TAFA1: variants seen among roughly 807,000 people sequenced by gnomAD.
TAFA1 encodes the protein TAFA chemokine like family member 1, also known as chemokine-like protein TAFA-1.
TAFA1 carries 4 observed loss-of-function variants against 18.5 expected under a neutral mutation model. The observed-to-expected ratio is 0.22, with a 90% CI of 0.11 to 0.49. The LOEUF (loss-of-function observed/expected upper bound fraction) is 0.49, where lower values mean the gene tolerates loss of function less well. Ranked by LOEUF, TAFA1 falls within the 20% of genes least tolerant of loss-of-function variation. The probability of loss-of-function intolerance (pLI) is 0.98; values close to 1 mark genes in which losing one functional copy is unlikely to be tolerated. For synonymous variants in TAFA1, 56 were observed against 55.2 expected, an observed-to-expected ratio of 1.01 and a Z score of -0.06; for missense variants, 147 against 169.0, an observed-to-expected ratio of 0.87 and a Z score of 0.72.
Position 68,488,244 on chromosome 3 carries a change from C to T in TAFA1, c.260-50512C>T, listed in dbSNP as rs143184380. Among the ~76,000 whole-genome samples, 134 of 152,182 alleles carry T rather than the reference C, an allele frequency of 8.8e-4. 1 individual carries two copies. The East Asian group carries it at 0.02, about 22-fold the overall frequency. The stretch of plus-strand genomic sequence containing the variant: ...TCCCAAAGCTGAAGAACTTGGAGTC[C>T]GATGTTCAAGGGCAGGAAGCATGCA... On this transcript the variant is annotated intron_variant, in intron 3 of 4. Coordinates refer to ENST00000478136, the MANE Select transcript of TAFA1 (RefSeq NM_213609.4).
chr3:68,071,516 G>C (rs1345236488), intron 2 of TAFA1, among the ~76,000 whole-genome samples: 3 of 152,254 alleles, frequency 2.0e-5, no homozygotes, highest in Non-Finnish European at 4.4e-5. Flanking sequence ...ATCAGGGAAG[G>C]CTCACTGGAA....
chr3:68,514,752 G>T (rs1421449537), intron 3 of TAFA1, among the ~76,000 whole-genome samples: 2 of 150,984 alleles, frequency 1.3e-5, no homozygotes, highest in Non-Finnish European at 2.9e-5. Context: ...AATATCATTA[G>T]AAAAAATCCT....
At chr3:68,009,543 C>T (rs996483579) in intron 2 of TAFA1, among the ~76,000 whole-genome samples, 1 of 152,192 alleles carries the variant, frequency 6.6e-6, no homozygotes, top group African/African-American at 2.4e-5. Context: ...ATCTGAGACC[C>T]ATTTCAGCTT....
At chr3:68,265,950 T>A (rs1049662457) in intron 2 of TAFA1, among the ~76,000 whole-genome samples, 1 of 152,166 alleles carries the variant, frequency 6.6e-6, no homozygotes, top group African/African-American at 2.4e-5. Context: ...AAAAATTGTA[T>A]AATCCCTGGA....
intron 2 of TAFA1, among the ~76,000 whole-genome samples, chr3:68,220,532 A>T (rs935232440): frequency 2.0e-5 from 3 of 152,082 alleles, no homozygotes; most frequent in Non-Finnish European, 4.4e-5. Flanking sequence ...AAAACTACTG[A>T]TGGATGTCCA....
intron 2 of TAFA1, among the ~76,000 whole-genome samples, chr3:68,020,010 C>G (rs1704654759): frequency 1.3e-5 from 2 of 152,176 alleles, no homozygotes; most frequent in Admixed American, 1.3e-4. Context: ...CAGAAACAAC[C>G]AGAATAACTC....
intron 2 of TAFA1, among the ~76,000 whole-genome samples, chr3:68,060,087 A>C (rs1174726065): frequency 6.6e-6 from 1 of 151,998 alleles, no homozygotes; most frequent in East Asian, 1.9e-4. Context: ...AAACACACAC[A>C]CACGCACAAA....
intron 2 of TAFA1, among the ~76,000 whole-genome samples, chr3:68,176,368 G>A (rs913291724): frequency 6.6e-6 from 1 of 152,250 alleles, no homozygotes; most frequent in South Asian, 2.1e-4. Context: ...TGTGGTCCTA[G>A]CTATTTGGGA....
intron 2 of TAFA1, among the ~76,000 whole-genome samples, chr3:68,092,749 C>T (rs2065044043): frequency 6.6e-6 from 1 of 152,154 alleles, no homozygotes; most frequent in Non-Finnish European, 1.5e-5. Context: ...TGGACACCCA[C>T]CAGAATAGCA....
chr3:68,272,983 C>G (rs558167812), intron 2 of TAFA1, among the ~76,000 whole-genome samples: 1 of 151,926 alleles, frequency 6.6e-6, no homozygotes, highest in Non-Finnish European at 1.5e-5. Context: ...GTCCGTATCT[C>G]TATGCTATCC....
chr3:68,260,918 A>T (rs1413243851), intron 2 of TAFA1, among the ~76,000 whole-genome samples: 1 of 152,154 alleles, frequency 6.6e-6, no homozygotes, highest in African/African-American at 2.4e-5. Flanking sequence ...AAATTGACAA[A>T]TGGGATCTAA....
At chr3:68,030,110 T>C (rs1704899837) in intron 2 of TAFA1, among the ~76,000 whole-genome samples, 1 of 152,134 alleles carries the variant, frequency 6.6e-6, no homozygotes. Flanking sequence ...TTAGAGAATA[T>C]ACTTAAAATA....
At chr3:68,151,907 G>A (rs1162394577) in intron 2 of TAFA1, among the ~76,000 whole-genome samples, 1 of 152,084 alleles carries the variant, frequency 6.6e-6, no homozygotes, top group East Asian at 1.9e-4. Flanking sequence ...ATTCTAATTA[G>A]CAATGATTAG....
intron 3 of TAFA1, among the ~76,000 whole-genome samples, chr3:68,510,927 C>T (rs1489992273): frequency 2.0e-5 from 3 of 152,116 alleles, no homozygotes; most frequent in Non-Finnish European, 2.9e-5. Context: ...AGAAATGTGT[C>T]CTCTGATATA....
chr3:68,370,367 C>T (rs867768968), intron 2 of TAFA1, among the ~76,000 whole-genome samples: 1,104 of 56,640 alleles, frequency 0.019, 54 homozygotes, highest in African/African-American at 0.065. Context: ...CACACACACA[C>T]ATATATATAT....
At chr3:68,088,570 CA>C (rs896880322) in intron 2 of TAFA1, among the ~76,000 whole-genome samples, 2 of 152,152 alleles carry the variant, frequency 1.3e-5, no homozygotes. Context: ...GTCAGTCTAG[CA>C]ATTTTGAACC....
At chr3:68,233,366 C>A (rs1222793219) in intron 2 of TAFA1, among the ~76,000 whole-genome samples, 1 of 152,058 alleles carries the variant, frequency 6.6e-6, no homozygotes, top group East Asian at 1.9e-4. Flanking sequence ...TATAGTTTTT[C>A]AGTACCATTT....
At chr3:68,018,316 G>A (rs548434746) in intron 2 of TAFA1, among the ~76,000 whole-genome samples, 2 of 152,218 alleles carry the variant, frequency 1.3e-5, no homozygotes, top group Admixed American at 6.5e-5. Context: ...GCCCTGTGGG[G>A]CCTTTCACAC....
At chr3:68,247,179 G>T (rs533896713) in intron 2 of TAFA1, among the ~76,000 whole-genome samples, 1 of 152,090 alleles carries the variant, frequency 6.6e-6, no homozygotes, top group East Asian at 1.9e-4. Context: ...ACAAAATTTT[G>T]TTGTGATAAA....
Sources: allele counts gnomAD v4.1 joint callset (sites outside exome capture counted in the v4.1 genomes callset), GRCh38; gene constraint gnomAD v4.1.1; transcripts MANE v1.5; gene names NCBI Gene and HGNC (gene_info 2026-07-23, HGNC 2026-07-21).